Variants in KCNJ3 observed in about 807,000 individuals in gnomAD.
KCNJ3 encodes the protein G protein-activated inward rectifier potassium channel 1.
A neutral mutation model predicts 39.2 loss-of-function variants in KCNJ3; 4 were observed. That is an observed-to-expected ratio of 0.10 (90% confidence interval 0.05 to 0.23). The LOEUF is 0.23. Ranked by LOEUF, KCNJ3 falls within the 10% of genes least tolerant of loss-of-function variation. The pLI, the probability that KCNJ3 is intolerant of heterozygous loss-of-function variation, is 1.00. For missense variants in KCNJ3, 276 were observed against 634.9 expected, an observed-to-expected ratio of 0.43 and a Z score of 6.08; for synonymous variants, 230 against 237.4, an observed-to-expected ratio of 0.97 and a Z score of 0.29.
intron 2 of KCNJ3, among the ~76,000 whole-genome samples, chr2:154,797,134 C>A (rs1003049591): frequency 2.6e-5 from 4 of 152,142 alleles, no homozygotes; most frequent in Non-Finnish European, 4.4e-5. Flanking sequence ...AGACACAATG[C>A]ACCATCTAAT....
intron 2 of KCNJ3, among the ~76,000 whole-genome samples, chr2:154,730,668 A>G (rs1247844296): frequency 6.6e-6 from 1 of 152,106 alleles, no homozygotes; most frequent in Non-Finnish European, 1.5e-5. Flanking sequence ...TGAATTTTGC[A>G]AATATAAACA....
chr2:154,753,540 C>T (rs1028642330), intron 2 of KCNJ3, among the ~76,000 whole-genome samples: 18 of 152,164 alleles, frequency 1.2e-4, no homozygotes, highest in Non-Finnish European at 1.5e-4. Flanking sequence ...TTTTCTCATG[C>T]TTACTGTGTT....
At chr2:154,741,426 A>T (rs539056134) in intron 2 of KCNJ3, among the ~76,000 whole-genome samples, 1 of 101,542 alleles carries the variant, frequency 9.8e-6, no homozygotes. Flanking sequence ...ATAGTGTTGC[A>T]TTTTGATGAA....
At chr2:154,748,389 C>A (rs999980169) in intron 2 of KCNJ3, among the ~76,000 whole-genome samples, 1 of 152,010 alleles carries the variant, frequency 6.6e-6, no homozygotes, top group Non-Finnish European at 1.5e-5. Context: ...TACGATAGTG[C>A]TCCTTCCTTG....
At chr2:154,714,874 C>T (rs2105155477) in intron 2 of KCNJ3, among the ~76,000 whole-genome samples, 1 of 152,210 alleles carries the variant, frequency 6.6e-6, no homozygotes, top group East Asian at 1.9e-4. Flanking sequence ...AGACAATAAA[C>T]ATAATGAAGT....
chr2:154,701,664 A>T (rs1331114864), intron 1 of KCNJ3, among the ~76,000 whole-genome samples: 2 of 152,144 alleles, frequency 1.3e-5, no homozygotes, highest in Admixed American at 6.5e-5. Context: ...TATTAACACA[A>T]GGTGATAAAA....
intron 2 of KCNJ3, among the ~76,000 whole-genome samples, chr2:154,825,205 T>C (rs924405653): frequency 2.6e-5 from 4 of 152,182 alleles, no homozygotes; most frequent in African/African-American, 9.7e-5. Context: ...TCTGTGTTTT[T>C]CCTACCTTTG....
At chr2:154,820,601 TGA>T (rs1337259336) in intron 2 of KCNJ3, among the ~76,000 whole-genome samples, 1 of 152,154 alleles carries the variant, frequency 6.6e-6, no homozygotes, top group African/African-American at 2.4e-5. Flanking sequence ...AAAAGTTCTC[TGA>T]AAAGGGATTT....
intron 2 of KCNJ3, among the ~76,000 whole-genome samples, chr2:154,741,085 T>C (rs944237845): frequency 1.3e-5 from 2 of 152,014 alleles, no homozygotes; most frequent in African/African-American, 2.4e-5. Context: ...TTAGGAAATA[T>C]TTATTGAGAA....
rs77681007 is a variant in KCNJ3 at position 154,737,935 on chromosome 2, C to T, written c.919+28116C>T. Among the ~76,000 whole-genome samples, 715 of 152,112 alleles carry T rather than the reference C, an allele frequency of 4.7e-3. 5 individuals are homozygous for T. The highest frequency in any genetic ancestry group is 7.7e-3 in the Admixed American group (118 of 15,286). ...AGAAGCTCAATAAATCTCAAGGAGG[C>T]AAAAGAAAGAAAACTACATTAAGAC... On this transcript the variant is annotated intron_variant, in intron 2 of 2. Transcript: ENST00000295101.
chr2:154,778,055 A>G (rs2105200983), intron 2 of KCNJ3, among the ~76,000 whole-genome samples: 1 of 152,268 alleles, frequency 6.6e-6, no homozygotes, highest in Non-Finnish European at 1.5e-5. Flanking sequence ...GAGAGTAACA[A>G]TTAGAAATCA....
At chr2:154,750,951 A>C (rs773051874) in intron 2 of KCNJ3, among the ~76,000 whole-genome samples, 1 of 152,020 alleles carries the variant, frequency 6.6e-6, no homozygotes, top group Non-Finnish European at 1.5e-5. Context: ...TGAGTTTTGC[A>C]TATTATCATT....
chr2:154,724,627 G>A (rs1685317628), intron 2 of KCNJ3, among the ~76,000 whole-genome samples: 1 of 151,676 alleles, frequency 6.6e-6, no homozygotes, highest in Non-Finnish European at 1.5e-5. Flanking sequence ...AACTGTGCCA[G>A]CAATTATGTA....
At position 154,766,598 on chromosome 2, in the gene KCNJ3, C is replaced by T. The variant is rs182014841; in HGVS notation, c.919+56779C>T. Among the ~76,000 whole-genome samples, 307 of 151,400 alleles carry T rather than the reference C, an allele frequency of 2.0e-3. 3 individuals are homozygous for T. Among genetic ancestry groups the T allele is most frequent in the African/African-American group, 7.2e-3 (299 of 41,266 alleles). The stretch of plus-strand genomic sequence containing the variant: ...TTGAGACGGAATCTCACTCTGTCAC[C>T]CAGGCTGGAGTACAGTGGCATGATC... On this transcript the variant is annotated intron_variant, in intron 2 of 2. Transcript: ENST00000295101.
intron 2 of KCNJ3, among the ~76,000 whole-genome samples, chr2:154,764,670 A>C (rs1233400562): frequency 6.6e-6 from 1 of 151,818 alleles, no homozygotes; most frequent in African/African-American, 2.4e-5. Flanking sequence ...CACATGTAAA[A>C]TGCACTAGCC....
At chr2:154,775,326 A>T (rs79941918) in intron 2 of KCNJ3, among the ~76,000 whole-genome samples, 3,618 of 151,800 alleles carry the variant, frequency 0.024, 83 homozygotes, top group Middle Eastern at 0.034. Context: ...GGGTAGAATT[A>T]AAAAAAAATC....
At chr2:154,739,102 G>T (rs1402531694) in intron 2 of KCNJ3, among the ~76,000 whole-genome samples, 2 of 152,016 alleles carry the variant, frequency 1.3e-5, no homozygotes, top group African/African-American at 4.8e-5. Context: ...AGTTACTTTT[G>T]TGGGGGTGGG....
At chr2:154,818,693 C>A (rs1423075452) in intron 2 of KCNJ3, among the ~76,000 whole-genome samples, 1 of 152,102 alleles carries the variant, frequency 6.6e-6, no homozygotes, top group Non-Finnish European at 1.5e-5. Context: ...TATTTTGAAA[C>A]TTTAAAAAGA....
At chr2:154,706,728 T>G (rs942542678) in intron 1 of KCNJ3, among the ~76,000 whole-genome samples, 1 of 152,132 alleles carries the variant, frequency 6.6e-6, no homozygotes, top group Non-Finnish European at 1.5e-5. Flanking sequence ...TAAAGTAGAA[T>G]GTATGTGCTT....
Sources: allele counts gnomAD v4.1 joint callset (sites outside exome capture counted in the v4.1 genomes callset), GRCh38; gene constraint gnomAD v4.1.1; transcripts MANE v1.5; gene names NCBI Gene and HGNC (gene_info 2026-07-23, HGNC 2026-07-21).